ATP1A2: variants seen among roughly 807,000 people sequenced by gnomAD.
The protein encoded by ATP1A2 is ATPase Na+/K+ transporting subunit alpha 2.
Under a neutral mutation model 113.1 loss-of-function variants are expected in ATP1A2, and 56 were observed. The ratio of observed to expected loss-of-function variants is 0.49; its 90% CI spans 0.40 to 0.62. The LOEUF is 0.62. Among genes scored for constraint, ATP1A2 ranks in the 20% least tolerant of loss-of-function variants. ATP1A2 has a pLI of 0.00. For synonymous variants in ATP1A2, 490 were observed against 526.8 expected (o/e 0.93, Z 0.96); for missense variants, 712 against 1,357.8 (o/e 0.52, Z 7.47).
At chr1:160,123,189 C>T (rs759727541) in intron 3 of ATP1A2, 24 bp from the exon 4 acceptor site, 34 of 1,613,514 alleles carry the variant, frequency 2.1e-5, no homozygotes, top group Middle Eastern at 3.3e-4. Context: ...ATGCGTGCCC[C>T]TACGCCTCTC....
Position 160,124,364 on chromosome 1 carries a change from G to A in ATP1A2, c.564G>A (p.Leu188=), listed in dbSNP as rs763685020. 1.2e-6 allele frequency: 2 copies of A among 1,612,902 alleles called. No homozygotes were observed. The highest frequency in any genetic ancestry group is 2.2e-5 in the East Asian group (1 of 44,864). Residue 188 remains leucine, a synonymous_variant, in exon 6 of 23, where the codon CTG becomes CTA. Transcript: ENST00000361216. ...INAEEVVVGD[L]VEVKGGDRVP... is the part of the protein sequence containing the mutation. ...CAGAGGAAGTGGTGGTGGGAGACCT[G>A]GTGGAGGTGAAGGGTGGAGACCGCG...
chr1:160,119,943 G>A (rs887584515), intron 1 of ATP1A2, among the ~76,000 whole-genome samples: 2 of 151,720 alleles, frequency 1.3e-5, no homozygotes, highest in Admixed American at 6.6e-5. Flanking sequence ...TATTGCTTGA[G>A]CCCTAGAAGC....
At position 160,141,498 on chromosome 1, in the gene ATP1A2, A is replaced by AAT; in HGVS notation, c.*176_*177insAT. Reference sequence around the variant, plus strand: ...GTATATAAATTGGGGTGATGACCCCATAGACCTAACTGTGAACAATCAGAT... The same window carrying AAT: ...GTATATAAATTGGGGTGATGACCCCAATTAGACCTAACTGTGAACAATCAGAT... On this transcript the variant is annotated 3_prime_UTR_variant, in exon 23 of 23. Transcript: ENST00000361216. 1.6e-5 allele frequency: 12 copies of AAT among 755,262 alleles called. No homozygotes were observed. The highest frequency in any genetic ancestry group is 2.7e-5 in the East Asian group (1 of 37,336). The allele number at this position is 755,262 out of a possible 1,614,324, so 46.8% of individuals were successfully genotyped here. A position where few individuals can be genotyped will look rare whatever the true frequency, so the allele number is the denominator to read the frequency against.
At chr1:160,140,028 A>G (rs765447230) in intron 22 of ATP1A2, 44 bp downstream of exon 22, 1 of 1,583,506 alleles carries the variant, frequency 6.3e-7, no homozygotes, top group Non-Finnish European at 8.7e-7. Context: ...AAGCCCCACC[A>G]CCAGCTCCTC....
intron 20 of ATP1A2, among the ~76,000 whole-genome samples, chr1:160,137,412 G>A (rs1406879782): frequency 2.0e-5 from 3 of 152,110 alleles, no homozygotes; most frequent in East Asian, 1.9e-4. Context: ...GGTTCTGGAG[G>A]CCACGTGCTG....
Position 160,125,243 on chromosome 1 carries a change from C to T in ATP1A2, c.738C>T (p.Asn246=). ...GCAATATCTGTTTCTTCTCCACCAA[C>T]TGTGTTGAAGGTGAGAAGCCAGGCT... ...ETRNICFFST[N]CVEGTARGIV... is the part of the protein sequence containing the mutation. Residue 246 remains asparagine, a synonymous_variant, in exon 7 of 23, where the codon AAC becomes AAT. Transcript: ENST00000361216. The T allele has an allele frequency of 6.2e-7, 1 of 1,613,870 alleles. No homozygotes were observed. The highest frequency in any genetic ancestry group is 8.5e-7 in the Non-Finnish European group (1 of 1,179,744).
chr1:160,120,195 T>G (rs550663475), intron 1 of ATP1A2, among the ~76,000 whole-genome samples: 12 of 152,264 alleles, frequency 7.9e-5, no homozygotes, highest in African/African-American at 2.2e-4. Flanking sequence ...GTCCTGTGAG[T>G]TGCCTCCCGT....
At position 160,141,588 on chromosome 1, in the gene ATP1A2, A is replaced by AT. The variant is rs1652152464; in HGVS notation, c.*272dup. 3.8e-6 allele frequency: 2 copies of AT among 529,840 alleles called. No homozygotes were observed. The highest frequency in any genetic ancestry group is 3.1e-5 in the Admixed American group (1 of 32,718). The allele number at this position is 529,840 out of a possible 1,614,324, so 32.8% of individuals were successfully genotyped here. A position where few individuals can be genotyped will look rare whatever the true frequency, so the allele number is the denominator to read the frequency against. Reference sequence around the variant, plus strand: ...TCCATCCCACTCCACTATGTTGTCTATTTTTTCTGAGGAATTAAGGGTTAC... The same window carrying AT: ...TCCATCCCACTCCACTATGTTGTCTATTTTTTTCTGAGGAATTAAGGGTTAC... On this transcript the variant is annotated 3_prime_UTR_variant, in exon 23 of 23. Coordinates refer to ENST00000361216, the MANE Select transcript of ATP1A2 (RefSeq NM_000702.4).
At chr1:160,121,116 A>C in intron 2 of ATP1A2, 76 bp from the exon 3 acceptor site, 1 of 1,598,832 alleles carries the variant, frequency 6.3e-7, no homozygotes, top group Non-Finnish European at 8.6e-7. Flanking sequence ...TGCTCAACTC[A>C]CCCCTGTGCC....
chr1:160,136,640 A>G lies in ATP1A2; in HGVS notation c.2634A>G (p.Ser878=). Residue 878 remains serine (S), a synonymous_variant, in exon 19 of 23, where the codon TCA becomes TCG. Coordinates refer to ENST00000361216, the MANE Select transcript of ATP1A2 (RefSeq NM_000702.4). ...TGGCAGAGAACGGTTTCCTGCCATC[A>G]CGGCTACTGGGAATCCGCCTCGACT... ...VILAENGFLP[S]RLLGIRLDWD... 6.2e-7 allele frequency: 1 copy of G among 1,614,226 alleles called. No homozygotes were observed. Among genetic ancestry groups the G allele is most frequent in the Non-Finnish European group, 8.5e-7 (1 of 1,180,036 alleles).
At chr1:160,119,564 C>T (rs1259619787) in intron 1 of ATP1A2, among the ~76,000 whole-genome samples, 1 of 152,040 alleles carries the variant, frequency 6.6e-6, no homozygotes. Context: ...AGCCTCTATC[C>T]TATTCTATCA....
intron 19 of ATP1A2, 62 bp downstream of exon 19, chr1:160,136,777 C>T: frequency 6.2e-7 from 1 of 1,614,098 alleles, no homozygotes; most frequent in Non-Finnish European, 8.5e-7. Flanking sequence ...GAATGCCTGG[C>T]AGGAGTGGCC....
chr1:160,129,798 T>G (rs888293257), intron 11 of ATP1A2, among the ~76,000 whole-genome samples: 10 of 152,292 alleles, frequency 6.6e-5, no homozygotes, highest in South Asian at 2.1e-4. Context: ...TAAAGCCCCC[T>G]GAGGCCAGGT....
chr1:160,140,846 CTTTT>C (rs1045304439), intron 22 of ATP1A2: 7 of 87,062 alleles, frequency 8.0e-5, no homozygotes, highest in East Asian at 3.0e-4. Flanking sequence ...CTTTCACCTT[CTTTT>C]TTTTTTTTTT....
At chr1:160,118,038 G>C (rs575179775) in intron 1 of ATP1A2, among the ~76,000 whole-genome samples, 2 of 152,170 alleles carry the variant, frequency 1.3e-5, no homozygotes, top group Admixed American at 6.5e-5. Context: ...CAGGCTCCTG[G>C]CTGCAGAGCC....
At position 160,143,409 on chromosome 1, in the gene ATP1A2, C is replaced by T. The variant is rs1383893404; in HGVS notation, c.*2087C>T. The T allele has an allele frequency of 2.6e-5, 4 of 152,586 alleles. No individual in the cohort carries two copies. The highest frequency in any genetic ancestry group is 5.9e-5 in the Non-Finnish European group (4 of 68,030). 9.5% of individuals were successfully genotyped at this position (152,586 alleles called of 1,614,324 possible). A position where few individuals can be genotyped will look rare whatever the true frequency, so the allele number is the denominator to read the frequency against. ...TTAGTCTACCAAAAACAATACTTTT[C>T]AGGCACTTTAGAAATATCCTTTTAG... On this transcript the variant is annotated 3_prime_UTR_variant, in exon 23 of 23. Coordinates refer to ENST00000361216, the MANE Select transcript of ATP1A2 (RefSeq NM_000702.4).
In ATP1A2 at chr1:160,135,064, G is replaced by A. The variant is rs952932607; in HGVS notation, c.1965-81G>A. Reference sequence around the variant, plus strand: ...GCTCAGCAGGGAGCCTGCAGGCTGCGGTGGTGAAGAGAGGCAGGGGGCAGG... The same window carrying A: ...GCTCAGCAGGGAGCCTGCAGGCTGCAGTGGTGAAGAGAGGCAGGGGGCAGG... On this transcript the variant is annotated intron_variant, in intron 14 of 22. Transcript: ENST00000361216. The surrounding 1 kb of genome is among the most constrained non-coding windows in gnomAD (Gnocchi z 6.3). The A allele has an allele frequency of 3.8e-5, 60 of 1,586,212 alleles. No homozygotes were observed. The highest frequency in any genetic ancestry group is 4.6e-5 in the Non-Finnish European group (53 of 1,159,524).
chr1:160,132,516 C>G (rs1228774094), intron 13 of ATP1A2, among the ~76,000 whole-genome samples: 1 of 152,040 alleles, frequency 6.6e-6, no homozygotes, highest in South Asian at 2.1e-4. Flanking sequence ...AGAGGAATAG[C>G]CATGTCTGAG....
chr1:160,116,488 G>C (rs1034541720), intron 1 of ATP1A2, among the ~76,000 whole-genome samples: 1 of 151,938 alleles, frequency 6.6e-6, no homozygotes, highest in East Asian at 1.9e-4. Context: ...AGCATTGTCC[G>C]TGGGTTCCAA....
Sources: allele counts gnomAD v4.1 joint callset (sites outside exome capture counted in the v4.1 genomes callset), GRCh38; gene constraint gnomAD v4.1.1; non-coding constraint Gnocchi (gnomAD v3.1); transcripts MANE v1.5; gene names NCBI Gene and HGNC (gene_info 2026-07-23, HGNC 2026-07-21).